CLNK: variants seen among roughly 807,000 people sequenced by gnomAD.
The protein encoded by CLNK is cytokine-dependent hematopoietic cell linker.
In CLNK, 74 loss-of-function variants were observed where a neutral mutation model predicts 68.6. That is an observed-to-expected ratio of 1.08 (90% CI 0.89 to 1.31). CLNK has a LOEUF of 1.31. CLNK is among the 50% of genes most tolerant of loss of function. CLNK has a pLI of 0.00. For synonymous variants in CLNK, 198 were observed against 172.2 expected (o/e 1.15, Z -1.17); for missense variants, 553 against 515.3 (o/e 1.07, Z -0.71).
chr4:10,634,442 CTCTT>C (rs1456556863), intron 2 of CLNK, among the ~76,000 whole-genome samples: 2 of 152,132 alleles, frequency 1.3e-5, no homozygotes, highest in African/African-American at 4.8e-5. Flanking sequence ...TTAATTAGTT[CTCTT>C]TATTTCATTT....
At chr4:10,694,445 A>C in the CLNK span, among the ~76,000 whole-genome samples, 2 of 152,096 alleles carry the variant, frequency 1.3e-5, no homozygotes, top group African/African-American at 2.4e-5. Context: ...AGGTCCCACA[A>C]AGTTATAACA....
the CLNK span, among the ~76,000 whole-genome samples, chr4:10,693,557 G>A: frequency 2.0e-5 from 3 of 152,178 alleles, no homozygotes; most frequent in African/African-American, 7.2e-5. Flanking sequence ...ATGCTTGGGA[G>A]GGAGCACAGC....
At chr4:10,651,765 T>C (rs1723747308) in intron 2 of CLNK, among the ~76,000 whole-genome samples, 2 of 152,004 alleles carry the variant, frequency 1.3e-5, no homozygotes, top group African/African-American at 4.8e-5. Context: ...AAATTGTGAG[T>C]GATCAGAATT....
chr4:10,712,428 T>G, the CLNK span, among the ~76,000 whole-genome samples: 2 of 152,224 alleles, frequency 1.3e-5, no homozygotes, highest in Non-Finnish European at 2.9e-5. Context: ...CTAACCACCC[T>G]GGCTCATTTC....
chr4:10,530,921 AC>A (rs1488539250), intron 12 of CLNK, among the ~76,000 whole-genome samples: 2 of 152,162 alleles, frequency 1.3e-5, no homozygotes, highest in African/African-American at 4.8e-5. Context: ...TGGAACCAGA[AC>A]TGTTCTTCTC....
chr4:10,734,349 A>G, the CLNK span, among the ~76,000 whole-genome samples: 1 of 152,154 alleles, frequency 6.6e-6, no homozygotes, highest in Non-Finnish European at 1.5e-5. Context: ...TCACAACATT[A>G]TGGCAAAACT....
At position 10,584,760 on chromosome 4, in the gene CLNK, G is replaced by T. The variant is rs12640119; in HGVS notation, c.112+167C>A. Among the ~76,000 whole-genome samples the T allele has an allele frequency of 0.097, 14,769 of 152,218 alleles. 896 individuals carry two copies. The highest frequency in any genetic ancestry group is 0.16 in the East Asian group (839 of 5,178). ...GCCTCCAAAGCTTTGGACAGTCACAGATCAGGCTGTACCCTGGGGCAACTG... is the reference window on the plus strand; with the variant it reads ...GCCTCCAAAGCTTTGGACAGTCACATATCAGGCTGTACCCTGGGGCAACTG... On this transcript the variant is annotated intron_variant, in intron 4 of 18. Transcript: ENST00000226951.
At chr4:10,521,221 A>G (rs7683687) in intron 14 of CLNK, among the ~76,000 whole-genome samples, 7,926 of 152,268 alleles carry the variant, frequency 0.052, 504 homozygotes, top group African/African-American at 0.15. Context: ...GTCAACCATA[A>G]AGTGGAAGAA....
intron 15 of CLNK, among the ~76,000 whole-genome samples, chr4:10,520,378 A>G (rs1353715498): frequency 6.6e-6 from 1 of 152,220 alleles, no homozygotes; most frequent in African/African-American, 2.4e-5. Context: ...AGTTTGTCAA[A>G]AACAACTGTT....
intron 4 of CLNK, among the ~76,000 whole-genome samples, chr4:10,581,075 A>G (rs1026291002): frequency 6.6e-6 from 1 of 152,094 alleles, no homozygotes; most frequent in Non-Finnish European, 1.5e-5. Context: ...TAGATACACA[A>G]ATTCTTACCA....
intron 1 of CLNK, among the ~76,000 whole-genome samples, chr4:10,668,813 C>T (rs1724513952): frequency 6.6e-6 from 1 of 152,140 alleles, no homozygotes. Context: ...TGAAAATCCC[C>T]ATCTCACGCT....
chr4:10,605,022 G>A (rs1721732602), intron 2 of CLNK, among the ~76,000 whole-genome samples: 1 of 152,106 alleles, frequency 6.6e-6, no homozygotes, highest in South Asian at 2.1e-4. Flanking sequence ...CAAAGACTAG[G>A]GTTTCCTGAA....
intron 4 of CLNK, among the ~76,000 whole-genome samples, chr4:10,579,861 C>T (rs891734417): frequency 2.0e-5 from 3 of 152,134 alleles, no homozygotes; most frequent in African/African-American, 7.2e-5. Flanking sequence ...GTAGGAGGGC[C>T]AGTTTTATTC....
At chr4:10,527,210 A>T (rs1343594582) in intron 13 of CLNK, among the ~76,000 whole-genome samples, 1 of 152,192 alleles carries the variant, frequency 6.6e-6, no homozygotes, top group Non-Finnish European at 1.5e-5. Context: ...CATTTTAGTT[A>T]GGAGGTTGAG....
intron 1 of CLNK, among the ~76,000 whole-genome samples, chr4:10,675,926 C>T (rs1185522753): frequency 1.3e-5 from 2 of 152,136 alleles, no homozygotes; most frequent in African/African-American, 4.8e-5. Context: ...GAATATAAAA[C>T]CCACACAATA....
At chr4:10,559,010 G>A (rs567282634) in intron 7 of CLNK, among the ~76,000 whole-genome samples, 6 of 152,210 alleles carry the variant, frequency 3.9e-5, no homozygotes, top group Non-Finnish European at 5.9e-5. Context: ...AGGACGGGAC[G>A]ACAACACGGA....
At chr4:10,713,860 T>A in the CLNK span, among the ~76,000 whole-genome samples, 82 of 152,322 alleles carry the variant, frequency 5.4e-4, no homozygotes, top group South Asian at 2.7e-3. Flanking sequence ...CAAATAGACC[T>A]CTTTTCTTTA....
At chr4:10,646,114 G>A (rs1312954500) in intron 2 of CLNK, among the ~76,000 whole-genome samples, 1 of 152,090 alleles carries the variant, frequency 6.6e-6, no homozygotes, top group Non-Finnish European at 1.5e-5. Flanking sequence ...AAGTTATGGA[G>A]GAATTTAATT....
chr4:10,503,089 G>A (rs190790643), intron 17 of CLNK, among the ~76,000 whole-genome samples: 1 of 152,262 alleles, frequency 6.6e-6, no homozygotes, highest in East Asian at 1.9e-4. Context: ...TGGTTACATT[G>A]TGTTATTTAT....
Sources: gnomAD v4.1 joint callset for allele counts (sites outside exome capture counted in the v4.1 genomes callset) on GRCh38, gnomAD v4.1.1 for gene constraint, MANE v1.5 for transcripts, NCBI Gene and HGNC (gene_info 2026-07-23, HGNC 2026-07-21) for gene names.